The following UNC13C variants were observed in gnomAD, a reference collection of about 807,000 sequenced individuals.
UNC13C encodes unc-13 homolog C.
In UNC13C, 174 loss-of-function variants were observed where a neutral mutation model predicts 245.4. The observed-to-expected ratio is 0.71, with a 90% CI of 0.63 to 0.80. UNC13C has a LOEUF of 0.80. Among genes scored for constraint, UNC13C ranks in the 30% least tolerant of loss-of-function variants. UNC13C has a pLI of 0.00. For missense variants in UNC13C, 2,829 were observed against 2,602.9 expected (o/e 1.09, Z -1.89); for synonymous variants, 992 against 895.1 (o/e 1.11, Z -1.93).
chr15:54,388,426 A>G (rs954357042), intron 17 of UNC13C, among the ~76,000 whole-genome samples: 11 of 152,152 alleles, frequency 7.2e-5, no homozygotes, highest in Admixed American at 5.2e-4. Flanking sequence ...CAATGCCACT[A>G]TGGGTCCAAC....
At chr15:54,183,379 C>A (rs8034986) in intron 4 of UNC13C, among the ~76,000 whole-genome samples, 15,976 of 150,552 alleles carry the variant, frequency 0.11, 1,430 homozygotes, top group African/African-American at 0.24. Context: ...AAACTAGATG[C>A]AGTTCTGACT....
At chr15:54,378,685 A>G (rs2039657384) in intron 17 of UNC13C, among the ~76,000 whole-genome samples, 1 of 151,832 alleles carries the variant, frequency 6.6e-6, no homozygotes, top group Non-Finnish European at 1.5e-5. Flanking sequence ...TCTTTGCCCA[A>G]ATTTATACAA....
chr15:54,401,281 G>T (rs59782560), intron 18 of UNC13C, among the ~76,000 whole-genome samples: 1 of 151,926 alleles, frequency 6.6e-6, no homozygotes. Flanking sequence ...GCCAGTCACC[G>T]TGCAAGGCTA....
chr15:54,426,445 G>A (rs1012842018), intron 19 of UNC13C, among the ~76,000 whole-genome samples: 1 of 150,404 alleles, frequency 6.6e-6, no homozygotes, highest in South Asian at 2.1e-4. Context: ...CTCCAACATG[G>A]TGCCTTGCTT....
intron 2 of UNC13C, among the ~76,000 whole-genome samples, chr15:54,066,222 T>C (rs1898069695): frequency 6.6e-6 from 1 of 152,182 alleles, no homozygotes; most frequent in Admixed American, 6.5e-5. Context: ...TATAGATTGA[T>C]TAAGATGATA....
At chr15:54,614,280 A>T (rs925223100) in intron 30 of UNC13C, among the ~76,000 whole-genome samples, 16 of 151,944 alleles carry the variant, frequency 1.1e-4, no homozygotes, top group African/African-American at 3.9e-4. Context: ...GCTAATACCC[A>T]CATCCCCAAA....
intron 10 of UNC13C, among the ~76,000 whole-genome samples, chr15:54,280,660 A>G (rs2036957161): frequency 1.4e-5 from 2 of 143,376 alleles, no homozygotes; most frequent in South Asian, 4.6e-4. Flanking sequence ...ATATGTATGT[A>G]TATACATACA....
At chr15:53,976,634 G>C (rs544627222), upstream of UNC13C, 2 of 151,894 alleles carry the variant, frequency 1.3e-5, no homozygotes, top group African/African-American at 4.8e-5. Context: ...ACCAAGTCTG[G>C]CTAATTTTCC....
chr15:54,560,898 C>T (rs1897274490), intron 29 of UNC13C, among the ~76,000 whole-genome samples: 1 of 151,924 alleles, frequency 6.6e-6, no homozygotes, highest in South Asian at 2.1e-4. Context: ...ATATAGAAAA[C>T]GCTTCACAAA....
chr15:54,428,627 A>G (rs1349450468), intron 19 of UNC13C, among the ~76,000 whole-genome samples: 1 of 151,558 alleles, frequency 6.6e-6, no homozygotes, highest in African/African-American at 2.4e-5. Context: ...GTCTACTGTT[A>G]TAACCCTAGC....
intron 19 of UNC13C, among the ~76,000 whole-genome samples, chr15:54,442,302 G>A (rs528375282): frequency 3.3e-5 from 5 of 149,450 alleles, no homozygotes; most frequent in South Asian, 2.1e-4. Flanking sequence ...CCAGGCTGGA[G>A]TGCACTGGCT....
At chr15:53,871,195 A>G in the UNC13C span, among the ~76,000 whole-genome samples, 6 of 151,452 alleles carry the variant, frequency 4.0e-5, no homozygotes, top group African/African-American at 1.5e-4. Flanking sequence ...CTCTATTTTT[A>G]CCCCTCTTCC....
intron 30 of UNC13C, among the ~76,000 whole-genome samples, chr15:54,601,648 T>A (rs933081758): frequency 2.6e-5 from 4 of 152,198 alleles, no homozygotes; most frequent in African/African-American, 9.6e-5. Flanking sequence ...CTTTCTCTGT[T>A]CCTTATCCAT....
chr15:54,332,806 ATCTTT>A (rs2038474680), intron 15 of UNC13C, among the ~76,000 whole-genome samples: 1 of 152,022 alleles, frequency 6.6e-6, no homozygotes, highest in Non-Finnish European at 1.5e-5. Flanking sequence ...TATCCTAAAC[ATCTTT>A]TCTTATTTTA....
At chr15:54,043,498 T>C (rs1300659004) in intron 2 of UNC13C, among the ~76,000 whole-genome samples, 1 of 152,238 alleles carries the variant, frequency 6.6e-6, no homozygotes, top group Non-Finnish European at 1.5e-5. Flanking sequence ...TGTAGGATTC[T>C]GTCTTCTCTA....
chr15:54,533,051 AT>A lies in UNC13C; in HGVS notation c.5687del (p.Leu1896TrpfsTer5). ...GAGATTGTGTTAAGATCTCTTATGG[AT>A]TTTTTGGACAAAACGTAAGTTTTTT... ...DAEIVLRSLM[D>X]FLDKTLSLSA... On this transcript the variant is annotated frameshift_variant, in exon 26 of 33. Transcript: ENST00000260323. LOFTEE classifies it high-confidence loss of function. The A allele has an allele frequency of 5.0e-6, 8 of 1,592,600 alleles. No homozygotes were observed. Among genetic ancestry groups the A allele is most frequent in the Admixed American group, 3.5e-5 (2 of 56,696 alleles).
At chr15:54,545,027 A>C (rs191406094) in intron 26 of UNC13C, among the ~76,000 whole-genome samples, 356 of 152,334 alleles carry the variant, frequency 2.3e-3, no homozygotes, top group Non-Finnish European at 4.2e-3. Context: ...TGGAGGCATC[A>C]TGCTACCTGA....
rs1426784708 is a variant in UNC13C at position 54,363,293 on chromosome 15, G to T, written c.4713+24804G>T. Among the ~76,000 whole-genome samples the T allele has an allele frequency of 3.3e-5, 5 of 152,244 alleles. No individual in the cohort carries two copies. The East Asian group carries it at 9.7e-4, about 29-fold the overall frequency. ...CCAGCCAATTTTTGTATTTTTATTA[G>T]ACACGGGGTTTTGCCATGTTGGCCA... On this transcript the variant is annotated intron_variant, in intron 17 of 32. Coordinates refer to ENST00000260323, the MANE Select transcript of UNC13C (RefSeq NM_001080534.3).
chr15:54,210,096 G>C (rs372943253), intron 4 of UNC13C, among the ~76,000 whole-genome samples: 1 of 151,180 alleles, frequency 6.6e-6, no homozygotes, highest in Non-Finnish European at 1.5e-5. Flanking sequence ...GTTATTGTCA[G>C]AGTTACAAAG....
Sources: allele counts gnomAD v4.1 joint callset (sites outside exome capture counted in the v4.1 genomes callset), GRCh38; gene constraint gnomAD v4.1.1; transcripts MANE v1.5; gene names NCBI Gene and HGNC (gene_info 2026-07-23, HGNC 2026-07-21).